Variants in LATS1 observed in about 807,000 individuals in gnomAD.
LATS1 encodes the protein large tumor suppressor kinase 1.
In LATS1, 25 loss-of-function variants were observed where a neutral mutation model predicts 106.6. The ratio of observed to expected loss-of-function variants is 0.23; its 90% CI spans 0.17 to 0.33. LATS1 has a LOEUF of 0.33. Among genes scored for constraint, LATS1 ranks in the 10% least tolerant of loss-of-function variants. The pLI, the probability that LATS1 is intolerant of heterozygous loss-of-function variation, is 1.00. For synonymous variants in LATS1, 465 were observed against 455.6 expected (o/e 1.02, Z -0.26); for missense variants, 1,040 against 1,382.6 (o/e 0.75, Z 3.93).
intron 7 of LATS1, among the ~76,000 whole-genome samples, chr6:149,675,140 C>T (rs1781647324): frequency 6.6e-6 from 1 of 150,974 alleles, no homozygotes; most frequent in Admixed American, 6.6e-5. Context: ...TTGCTTGAAC[C>T]CAGGAGGCAG....
chr6:149,690,046 CCACAAACTGACATAAGATATAT>C (rs1782639478), intron 3 of LATS1, among the ~76,000 whole-genome samples: 2 of 151,488 alleles, frequency 1.3e-5, no homozygotes, highest in Non-Finnish European at 2.9e-5. Flanking sequence ...TGGTGCTGGT[CCACAAACTGACATAAGATATAT>C]TACAAACTGA....
At position 149,675,636 on chromosome 6, in the gene LATS1, A is replaced by G. The variant is rs149850246; in HGVS notation, c.2883+624T>C. On this transcript the variant is annotated intron_variant, in intron 7 of 7. Transcript: ENST00000543571. The stretch of plus-strand genomic sequence containing the variant: ...CGATGGCAAGATCTTGGCTCACTGC[A>G]ACCTCCGCCTTCTGAGTTCAAGGGA... 804 of 152,384 alleles carry G rather than the reference A, an allele frequency of 5.3e-3. 7 individuals carry two copies. The highest frequency in any genetic ancestry group is 0.024 in the Middle Eastern group (7 of 294). 9.4% of individuals were successfully genotyped at this position (152,384 alleles called of 1,614,324 possible). A position where few individuals can be genotyped will look rare whatever the true frequency, so the allele number is the denominator to read the frequency against.
At chr6:149,681,883 C>T (rs1039195920) in intron 4 of LATS1, among the ~76,000 whole-genome samples, 5 of 152,092 alleles carry the variant, frequency 3.3e-5, no homozygotes, top group East Asian at 1.9e-4. Flanking sequence ...GGGAGGCAGA[C>T]GCGGGTGGGT....
At chr6:149,711,256 A>G (rs1327918022) in intron 1 of LATS1, among the ~76,000 whole-genome samples, 1 of 132,862 alleles carries the variant, frequency 7.5e-6, no homozygotes, top group African/African-American at 2.5e-5. Context: ...AAAAAAAAAT[A>G]TCTTTTGGCC....
At chr6:149,675,086 G>C (rs558011211) in intron 7 of LATS1, among the ~76,000 whole-genome samples, 1 of 151,524 alleles carries the variant, frequency 6.6e-6, no homozygotes, top group Admixed American at 6.6e-5. Context: ...GTATGATGGC[G>C]CATGCCTGTA....
intron 1 of LATS1, among the ~76,000 whole-genome samples, chr6:149,710,397 A>C (rs1006344815): frequency 2.6e-5 from 4 of 152,198 alleles, no homozygotes; most frequent in Non-Finnish European, 5.9e-5. Flanking sequence ...AATTGGAAGA[A>C]GGCACAAAAA....
intron 3 of LATS1, among the ~76,000 whole-genome samples, chr6:149,689,916 C>A (rs1322981541): frequency 6.6e-6 from 1 of 151,770 alleles, no homozygotes; most frequent in Non-Finnish European, 1.5e-5. Context: ...TATTTAATTT[C>A]ATCCTCTTAA....
rs182950509 is a variant in LATS1 at position 149,673,905 on chromosome 6, C to T, written c.2883+2355G>A. 1.6e-3 allele frequency among the ~76,000 whole-genome samples: 245 copies of T among 151,696 alleles called. 6 individuals carry two copies. The highest frequency in any genetic ancestry group is 5.7e-3 in the African/African-American group (237 of 41,238). On this transcript the variant is annotated intron_variant, in intron 7 of 7. Transcript: ENST00000543571. The stretch of plus-strand genomic sequence containing the variant: ...GGTCAGGCTGGTCTCGAACTCCCGA[C>T]TTCAGGTGATCCACCCGCCTCAGCC...
Position 149,683,318 on chromosome 6 carries a change from C to A in LATS1, c.1771G>T (p.Asp591Tyr). 1 of 1,614,154 alleles carries A rather than the reference C, an allele frequency of 6.2e-7. No homozygotes were observed. Among genetic ancestry groups the A allele is most frequent in the Non-Finnish European group, 8.5e-7 (1 of 1,180,028 alleles). Reference protein sequence around the residue: ...KEDQPSLPKEDESEKSYENVD... With the variant: ...KEDQPSLPKEYESEKSYENVD... ...TTTTCATAACTCTTTTCACTCTCAT[C>A]TTCCTTGGGCAAGCTTGGCTGATCC... The change falls in exon 4 of 8, where the codon GAT becomes TAT. Residue 591 changes from aspartate to tyrosine, a missense_variant. By Grantham distance (160) the Asp-to-Tyr change is radical (BLOSUM62 -3). Transcript: ENST00000543571.
At chr6:149,675,153 G>A (rs1038106146) in intron 7 of LATS1, among the ~76,000 whole-genome samples, 1 of 150,254 alleles carries the variant, frequency 6.7e-6, no homozygotes, top group Non-Finnish European at 1.5e-5. Flanking sequence ...GGAGGCAGAA[G>A]TTGTAGTGAA....
intron 1 of LATS1, chr6:149,717,490 C>G (rs1784467723): frequency 6.5e-6 from 1 of 152,932 alleles, no homozygotes; most frequent in Admixed American, 6.5e-5. Flanking sequence ...TGCAATTTTC[C>G]TTCAGAACCA....
At chr6:149,703,163 T>C (rs1033931333) in intron 1 of LATS1, among the ~76,000 whole-genome samples, 13 of 149,182 alleles carry the variant, frequency 8.7e-5, no homozygotes, top group African/African-American at 3.0e-4. Flanking sequence ...TTAGTAGAGA[T>C]GGGGTTTCAC....
intron 5 of LATS1, among the ~76,000 whole-genome samples, chr6:149,677,779 T>G (rs1295964307): frequency 6.6e-6 from 1 of 152,114 alleles, no homozygotes; most frequent in Non-Finnish European, 1.5e-5. Context: ...GATTTCCCTT[T>G]GGGAGGCCAG....
rs1782406045 is a variant in LATS1 at position 149,686,931 on chromosome 6, T to C, written c.497-2339A>G. On this transcript the variant is annotated intron_variant, in intron 3 of 7. Transcript: ENST00000543571. ...ATCAAGTATCATTCTCATGATTGTATTTCAAACTTTGGTATTACTCATATC... is the reference window on the plus strand; with the variant it reads ...ATCAAGTATCATTCTCATGATTGTACTTCAAACTTTGGTATTACTCATATC... Among the ~76,000 whole-genome samples, 3 of 152,286 alleles carry C rather than the reference T, an allele frequency of 2.0e-5. No individual in the cohort carries two copies. The South Asian group carries it at 6.2e-4, about 32-fold the overall frequency.
intron 7 of LATS1, among the ~76,000 whole-genome samples, chr6:149,671,985 T>C (rs768554947): frequency 1.2e-4 from 18 of 151,690 alleles, no homozygotes; most frequent in African/African-American, 3.6e-4. Context: ...TCCTCCCAGA[T>C]TCAAGCTATT....
At position 149,711,178 on chromosome 6, in the gene LATS1, T is replaced by C. The variant is rs147023572; in HGVS notation, c.-141+6671A>G. Among the ~76,000 whole-genome samples the C allele has an allele frequency of 6.5e-4, 99 of 151,750 alleles. No individual in the cohort carries two copies. In the East Asian group the frequency reaches 0.01, roughly 16 times the overall value. ...AACTTCGACTGTGGTTACTGACACA[T>C]AGAACTGAAGGAAACCAAACAGATC... is the stretch of plus-strand genomic sequence containing the variant. On this transcript the variant is annotated intron_variant, in intron 1 of 7. Transcript: ENST00000543571.
At chr6:149,672,914 A>C (rs1341401644) in intron 7 of LATS1, among the ~76,000 whole-genome samples, 2 of 152,002 alleles carry the variant, frequency 1.3e-5, no homozygotes, top group Non-Finnish European at 2.9e-5. Flanking sequence ...ATTGCACTCC[A>C]GTCTGGGCAA....
At chr6:149,709,891 G>T (rs1352906451) in intron 1 of LATS1, among the ~76,000 whole-genome samples, 1 of 151,638 alleles carries the variant, frequency 6.6e-6, no homozygotes, top group African/African-American at 2.4e-5. Flanking sequence ...GGCCAAGCTG[G>T]TCTTGAACTC....
At position 149,658,310 on chromosome 6, in the gene LATS1, T is replaced by C. The variant is rs1033526291; in HGVS notation, c.*3419A>G. On this transcript the variant is annotated 3_prime_UTR_variant, in exon 8 of 8. Coordinates refer to ENST00000543571, the MANE Select transcript of LATS1 (RefSeq NM_004690.4). ...AATTAGTTATATTGCAAAGCTGTAA[T>C]TCTTTTTCTAACAAAGCATGATTTT... 4.6e-5 allele frequency: 7 copies of C among 152,242 alleles called. No individual in the cohort carries two copies. The highest frequency in any genetic ancestry group is 1.4e-4 in the African/African-American group (6 of 41,468). 9.4% of individuals were successfully genotyped at this position (152,242 alleles called of 1,614,324 possible).
Sources: gnomAD v4.1 joint callset for allele counts (sites outside exome capture counted in the v4.1 genomes callset) on GRCh38, gnomAD v4.1.1 for gene constraint, MANE v1.5 for transcripts, NCBI Gene and HGNC (gene_info 2026-07-23, HGNC 2026-07-21) for gene names.